The following QTMAN variants were observed in gnomAD, a reference collection of about 807,000 sequenced individuals.
QTMAN encodes queuosine-tRNA mannosyltransferase.
chr2:143,973,081 A>G, the QTMAN span, among the ~76,000 whole-genome samples: 1 of 152,222 alleles, frequency 6.6e-6, no homozygotes, highest in Non-Finnish European at 1.5e-5. Context: ...CACTCAAAAA[A>G]GTAACAGTTA....
At chr2:144,324,263 C>A in the QTMAN span, among the ~76,000 whole-genome samples, 1 of 152,116 alleles carries the variant, frequency 6.6e-6, no homozygotes, top group Non-Finnish European at 1.5e-5. Flanking sequence ...GTTTTAAAGT[C>A]AATTGAGTAA....
At chr2:143,943,424 GA>G in the QTMAN span, 1 of 152,126 alleles carries the variant, frequency 6.6e-6, no homozygotes, top group African/African-American at 2.4e-5. Flanking sequence ...GTCAATAGAA[GA>G]ATAAGACCCA....
chr2:144,140,322 T>C, the QTMAN span, among the ~76,000 whole-genome samples: 2 of 152,044 alleles, frequency 1.3e-5, no homozygotes, highest in African/African-American at 4.8e-5. Flanking sequence ...TAAATGAATT[T>C]TAAAACATTT....
At chr2:144,253,779 T>C in the QTMAN span, among the ~76,000 whole-genome samples, 1 of 152,094 alleles carries the variant, frequency 6.6e-6, no homozygotes, top group Non-Finnish European at 1.5e-5. Context: ...AAAAACATTT[T>C]CTAGGGAAAA....
chr2:144,089,691 T>C, the QTMAN span, among the ~76,000 whole-genome samples: 119 of 152,110 alleles, frequency 7.8e-4, 1 homozygote, highest in African/African-American at 2.4e-3. Flanking sequence ...AAATATTGCA[T>C]GTTTTTACTT....
At chr2:144,141,381 C>A in the QTMAN span, among the ~76,000 whole-genome samples, 1 of 150,518 alleles carries the variant, frequency 6.6e-6, no homozygotes. Flanking sequence ...ATTTGTAAAC[C>A]AATATAGAAG....
the QTMAN span, among the ~76,000 whole-genome samples, chr2:144,039,288 TC>T: frequency 1.3e-5 from 2 of 151,918 alleles, no homozygotes; most frequent in African/African-American, 4.8e-5. Flanking sequence ...CGTCTCCCCC[TC>T]CCCCCTGCTC....
chr2:144,257,518 T>C, the QTMAN span, among the ~76,000 whole-genome samples: 232 of 152,246 alleles, frequency 1.5e-3, no homozygotes, highest in African/African-American at 5.4e-3. Context: ...ACTTACTACA[T>C]AGGCTCCTAT....
chr2:144,208,548 C>T, the QTMAN span: 2 of 1,450,714 alleles, frequency 1.4e-6, no homozygotes, highest in Non-Finnish European at 1.9e-6. Flanking sequence ...AAGCAACATC[C>T]TCATAACAGG....
chr2:144,119,004 A>C, the QTMAN span, among the ~76,000 whole-genome samples: 172 of 152,334 alleles, frequency 1.1e-3, 2 homozygotes, highest in African/African-American at 4.0e-3. Flanking sequence ...GTTGGCCCAA[A>C]TAAAGGTTTC....
chr2:144,091,180 A>T, the QTMAN span, among the ~76,000 whole-genome samples: 1 of 152,120 alleles, frequency 6.6e-6, no homozygotes, highest in South Asian at 2.1e-4. Flanking sequence ...AAAAATTTGG[A>T]TTCATACCTC....
chr2:144,184,951 AC>A, the QTMAN span, among the ~76,000 whole-genome samples: 1 of 152,170 alleles, frequency 6.6e-6, no homozygotes, highest in African/African-American at 2.4e-5. Context: ...TACGGGACTT[AC>A]CACTCTGAAA....
chr2:144,009,512 T>C, the QTMAN span, among the ~76,000 whole-genome samples: 1 of 152,136 alleles, frequency 6.6e-6, no homozygotes, highest in Admixed American at 6.5e-5. Context: ...GGGGCTTCTA[T>C]GTTTGTTTCA....
chr2:144,125,208 A>G, the QTMAN span, among the ~76,000 whole-genome samples: 1 of 152,014 alleles, frequency 6.6e-6, no homozygotes, highest in East Asian at 1.9e-4. Context: ...CCGAGTTAGT[A>G]TGAACATGTG....
chr2:144,287,056 C>A, the QTMAN span, among the ~76,000 whole-genome samples: 1 of 152,176 alleles, frequency 6.6e-6, no homozygotes, highest in Non-Finnish European at 1.5e-5. Context: ...AAATAGTTCA[C>A]TTTATAGCTT....
chr2:144,071,571 C>T, the QTMAN span, among the ~76,000 whole-genome samples: 7 of 152,226 alleles, frequency 4.6e-5, no homozygotes, highest in South Asian at 2.1e-4. Flanking sequence ...GAATGTCTCA[C>T]GTTCCACGAA....
the QTMAN span, among the ~76,000 whole-genome samples, chr2:144,113,559 A>T: frequency 1.3e-5 from 2 of 152,262 alleles, no homozygotes; most frequent in African/African-American, 4.8e-5. Context: ...TGCTGGCTGA[A>T]AATTTCCCAA....
the QTMAN span, among the ~76,000 whole-genome samples, chr2:144,133,419 AATATATATAAT>A: frequency 5.0e-5 from 3 of 60,328 alleles, no homozygotes; most frequent in Non-Finnish European, 7.9e-5. Context: ...TATTATATAT[AATATATATAAT>A]ATATAATATA....
chr2:144,118,435 T>C, the QTMAN span, among the ~76,000 whole-genome samples: 1 of 152,200 alleles, frequency 6.6e-6, no homozygotes, highest in Non-Finnish European at 1.5e-5. Context: ...TCTCTGGCTA[T>C]TACCGAGATT....
Sources: allele counts gnomAD v4.1 joint callset (sites outside exome capture counted in the v4.1 genomes callset), GRCh38; gene constraint gnomAD v4.1.1; transcripts MANE v1.5; gene names NCBI Gene and HGNC (gene_info 2026-07-23, HGNC 2026-07-21).